Variants in PVALB observed in about 807,000 individuals in gnomAD.
PVALB encodes parvalbumin.
In PVALB, 11 loss-of-function variants were observed where a neutral mutation model predicts 10.9. That is an observed-to-expected ratio of 1.01 (90% CI 0.63 to 1.67). The LOEUF is 1.67. PVALB is among the 40% of genes most tolerant of loss of function. PVALB has a pLI of 0.00. For missense variants in PVALB, 131 were observed against 136.2 expected (o/e 0.96, Z 0.19); for synonymous variants, 57 against 50.7 (o/e 1.12, Z -0.53).
chr22:36,813,778 C>T (rs778115655), intron 2 of PVALB, 23 bp from the exon 3 acceptor site: 6 of 1,580,994 alleles, frequency 3.8e-6, no homozygotes, highest in Admixed American at 3.3e-5. Context: ...AGGGAGAAAG[C>T]CGGTGAGGGA....
At chr22:36,814,724 T>C (rs1343844082) in intron 2 of PVALB, among the ~76,000 whole-genome samples, 1 of 152,140 alleles carries the variant, frequency 6.6e-6, no homozygotes, top group Non-Finnish European at 1.5e-5. Flanking sequence ...GTGGAAAGTG[T>C]CTTTTAGACA....
chr22:36,808,541 A>G (rs1938998722), intron 3 of PVALB, among the ~76,000 whole-genome samples: 1 of 152,114 alleles, frequency 6.6e-6, no homozygotes, highest in Non-Finnish European at 1.5e-5. Flanking sequence ...ACTTCCTAGG[A>G]TTATTGTAAG....
At chr22:36,815,270 G>C in intron 1 of PVALB, 35 bp from the exon 2 acceptor site, 1 of 1,613,688 alleles carries the variant, frequency 6.2e-7, no homozygotes, top group Non-Finnish European at 8.5e-7. Context: ...ACAAGGACCA[G>C]AAAGGCTGGT....
At chr22:36,813,569 A>G (rs1487438606) in intron 3 of PVALB, 77 bp downstream of exon 3, 12 of 1,206,530 alleles carry the variant, frequency 9.9e-6, no homozygotes, top group Non-Finnish European at 1.5e-5. Flanking sequence ...TCCTTGTGAC[A>G]GACATAGCTT....
At chr22:36,814,389 G>A (rs1019398454) in intron 2 of PVALB, among the ~76,000 whole-genome samples, 3 of 152,102 alleles carry the variant, frequency 2.0e-5, no homozygotes, top group Non-Finnish European at 4.4e-5. Context: ...TGGTTTAGGG[G>A]AGAGACAGGA....
chr22:36,814,472 A>T (rs1305443503), intron 2 of PVALB, among the ~76,000 whole-genome samples: 1 of 152,176 alleles, frequency 6.6e-6, no homozygotes, highest in African/African-American at 2.4e-5. Flanking sequence ...ACAAAACTCA[A>T]GGCTTTCTTG....
chr22:36,818,214 G>A (rs991276978), upstream of PVALB, among the ~76,000 whole-genome samples: 8 of 152,086 alleles, frequency 5.3e-5, no homozygotes, highest in Non-Finnish European at 8.8e-5. Flanking sequence ...TGTTGATGAC[G>A]TCAGTGGTCC....
intron 3 of PVALB, among the ~76,000 whole-genome samples, chr22:36,803,701 A>G (rs866853884): frequency 9.2e-5 from 8 of 87,380 alleles, no homozygotes; most frequent in South Asian, 7.5e-4. Context: ...GGATGGATGG[A>G]TGGATGGATG....
chr22:36,810,379 G>A (rs951538871), intron 3 of PVALB, among the ~76,000 whole-genome samples: 2 of 152,088 alleles, frequency 1.3e-5, no homozygotes, highest in African/African-American at 4.8e-5. Context: ...TTCCCATCTC[G>A]CTGCCTATTG....
At chr22:36,802,859 C>T (rs891000459) in intron 3 of PVALB, among the ~76,000 whole-genome samples, 11 of 152,010 alleles carry the variant, frequency 7.2e-5, no homozygotes, top group Non-Finnish European at 1.5e-4. Context: ...AACAGCAGTG[C>T]CAAGGATGGA....
chr22:36,809,774 GT>G lies in PVALB; in HGVS notation c.304+3871del, dbSNP rs374865906. Among the ~76,000 whole-genome samples the G allele has an allele frequency of 4.2e-3, 638 of 151,102 alleles. 5 individuals carry two copies. Among genetic ancestry groups the G allele is most frequent in the African/African-American group, 0.015 (608 of 41,280 alleles). Reference sequence around the variant, plus strand: ...TAGTGAAGTGGTCTTCTGTGTAGAGGTTTATCCACTGAGACATCTGTGAAAT... The same window carrying G: ...TAGTGAAGTGGTCTTCTGTGTAGAGGTTATCCACTGAGACATCTGTGAAAT... On this transcript the variant is annotated intron_variant, in intron 3 of 3. Transcript: ENST00000417718.
intron 3 of PVALB, among the ~76,000 whole-genome samples, chr22:36,811,123 A>G (rs558236727): frequency 6.6e-6 from 1 of 152,290 alleles, no homozygotes; most frequent in African/African-American, 2.4e-5. Flanking sequence ...TAAAAATACA[A>G]AAATTAGCTG....
At chr22:36,807,764 C>G (rs1938976219) in intron 3 of PVALB, among the ~76,000 whole-genome samples, 1 of 152,164 alleles carries the variant, frequency 6.6e-6, no homozygotes, top group East Asian at 1.9e-4. Context: ...CTGCCTGACT[C>G]AGGTGCTCCA....
intron 1 of PVALB, 124 bp downstream of exon 1, chr22:36,816,821 G>A (rs926773900): frequency 2.6e-6 from 2 of 775,204 alleles, no homozygotes; most frequent in Non-Finnish European, 3.8e-6. Flanking sequence ...CCTCGCCGGC[G>A]CCCAGCGGGA....
intron 3 of PVALB, among the ~76,000 whole-genome samples, chr22:36,811,767 C>A (rs938274519): frequency 3.9e-5 from 6 of 152,110 alleles, no homozygotes; most frequent in Non-Finnish European, 8.8e-5. Flanking sequence ...TGGGGTGGAG[C>A]TGTCTGATAA....
At chr22:36,800,991 G>A in intron 3 of PVALB, 73 bp from the exon 4 acceptor site, 14 of 1,478,646 alleles carry the variant, frequency 9.5e-6, no homozygotes, top group Non-Finnish European at 1.3e-5. Context: ...CCTGACTGCG[G>A]GGCCCTGGGT....
At chr22:36,805,424 G>A (rs1007765026) in intron 3 of PVALB, among the ~76,000 whole-genome samples, 4 of 152,154 alleles carry the variant, frequency 2.6e-5, no homozygotes, top group Non-Finnish European at 5.9e-5. Flanking sequence ...GCCTATAAAC[G>A]CCTAGTTGCT....
At position 36,800,850 on chromosome 22, in the gene PVALB, C is replaced by A. The variant is rs1268971438; in HGVS notation, c.*40G>T. On this transcript the variant is annotated 3_prime_UTR_variant, in exon 4 of 4. Coordinates refer to ENST00000417718, the MANE Select transcript of PVALB (RefSeq NM_001315532.2). ...GCGAGAGGGGCCGAGATTGGGTGTTCAGGGCAGAGAGGTGGAAGACCAGGG... is the reference window on the plus strand; with the variant it reads ...GCGAGAGGGGCCGAGATTGGGTGTTAAGGGCAGAGAGGTGGAAGACCAGGG... 2.5e-6 allele frequency: 4 copies of A among 1,580,436 alleles called. No homozygotes were observed. In the East Asian group the frequency reaches 8.9e-5, roughly 35 times the overall value.
intron 3 of PVALB, among the ~76,000 whole-genome samples, chr22:36,812,418 C>A (rs1348725895): frequency 6.6e-6 from 1 of 152,156 alleles, no homozygotes; most frequent in Non-Finnish European, 1.5e-5. Flanking sequence ...CGTGAAGATT[C>A]TAGACAGAAG....
Sources: gnomAD v4.1 joint callset for allele counts (sites outside exome capture counted in the v4.1 genomes callset) on GRCh38, gnomAD v4.1.1 for gene constraint, MANE v1.5 for transcripts, NCBI Gene and HGNC (gene_info 2026-07-23, HGNC 2026-07-21) for gene names.